Variants in ASB3 observed in about 807,000 individuals in gnomAD.
ASB3 encodes the protein ankyrin repeat and SOCS box containing 3, also known as ankyrin repeat and SOCS box protein 3.
In ASB3, 41 loss-of-function variants were observed where a neutral mutation model predicts 54.5. That is an observed-to-expected ratio of 0.75 (90% CI 0.59 to 0.98). ASB3 has a LOEUF of 0.98. Ranked by LOEUF, ASB3 falls within the 50% of genes least tolerant of loss-of-function variation. The pLI is 0.00. For synonymous variants in ASB3, 266 were observed against 221.2 expected (o/e 1.20, Z -1.80); for missense variants, 733 against 620.0 (o/e 1.18, Z -1.94).
Position 53,728,815 on chromosome 2 carries a change from T to A in ASB3, c.501A>T (p.Arg167Ser). 1 of 1,611,736 alleles carries A rather than the reference T, an allele frequency of 6.2e-7. No individual in the cohort carries two copies. The highest frequency in any genetic ancestry group is 2.2e-5 in the East Asian group (1 of 44,818). Residue 167 changes from arginine to serine, a missense_variant, in exon 5 of 10, where the codon AGA becomes AGT. By Grantham distance (110) the Arg-to-Ser change is moderately radical (BLOSUM62 -1). Transcript: ENST00000263634. Reference protein sequence around the residue: ...ENAEIIKLLLRKGANKECQDD... With the variant: ...ENAEIIKLLLSKGANKECQDD... ...CCTGGCATTCCTTGTTTGCTCCTTT[T>A]CTAAGAAGCAATTTTATGATCTCAG...
At position 53,692,745 on chromosome 2, in the gene ASB3, C is replaced by CCATT. The variant is rs528760605; in HGVS notation, c.1369+1135_1369+1138dup. Among the ~76,000 whole-genome samples the CCATT allele has an allele frequency of 1.5e-3, 230 of 152,258 alleles. 2 individuals carry two copies. The highest frequency in any genetic ancestry group is 3.7e-3 in the Admixed American group (56 of 15,280). On this transcript the variant is annotated intron_variant, in intron 9 of 9. Coordinates refer to ENST00000263634, the MANE Select transcript of ASB3 (RefSeq NM_016115.5). ...CTCTTTTGACTCTTAGTTCTCAAAT[C>CCATT]CATTGTTCCATAGTCTATCTGTTCT...
At chr2:53,755,980 C>T (rs376652391) in intron 2 of ASB3, among the ~76,000 whole-genome samples, 1 of 150,702 alleles carries the variant, frequency 6.6e-6, no homozygotes, top group Non-Finnish European at 1.5e-5. Context: ...TAGTAAGACC[C>T]CCCCCCCACC....
intron 3 of ASB3, among the ~76,000 whole-genome samples, chr2:53,730,586 T>A (rs575724108): frequency 6.6e-6 from 1 of 152,298 alleles, no homozygotes; most frequent in East Asian, 1.9e-4. Context: ...CTGGGTCAAA[T>A]GGCAGTTGTG....
intron 5 of ASB3, among the ~76,000 whole-genome samples, chr2:53,720,363 T>C (rs756108660): frequency 6.6e-6 from 1 of 152,226 alleles, no homozygotes; most frequent in African/African-American, 2.4e-5. Flanking sequence ...ATGCCCTTAA[T>C]GTTGGCAAAA....
chr2:53,701,100 A>G, intron 7 of ASB3, among the ~76,000 whole-genome samples: 1 of 152,166 alleles, frequency 6.6e-6, no homozygotes, highest in South Asian at 2.1e-4. Flanking sequence ...CAGCCTCCTG[A>G]GTAGGTGGGA....
intron 5 of ASB3, among the ~76,000 whole-genome samples, chr2:53,721,953 A>T (rs969301006): frequency 1.3e-5 from 2 of 151,968 alleles, no homozygotes; most frequent in Middle Eastern, 3.4e-3. Context: ...CTAGCTAGAT[A>T]AAAAAAAGAG....
intron 1 of ASB3, among the ~76,000 whole-genome samples, chr2:53,776,277 C>T (rs1464378266): frequency 6.6e-6 from 1 of 152,204 alleles, no homozygotes; most frequent in Non-Finnish European, 1.5e-5. Context: ...GACGGCATTT[C>T]ACTTGTCCTG....
At chr2:53,707,541 G>A (rs1261068817) in intron 7 of ASB3, among the ~76,000 whole-genome samples, 2 of 151,922 alleles carry the variant, frequency 1.3e-5, no homozygotes, top group East Asian at 1.9e-4. Flanking sequence ...CCAGCTACTC[G>A]GGAGGCTGAG....
chr2:53,766,918 T>G (rs1673500982), intron 1 of ASB3, among the ~76,000 whole-genome samples: 1 of 152,122 alleles, frequency 6.6e-6, no homozygotes, highest in Admixed American at 6.5e-5. Context: ...GAAAGAACAA[T>G]CACTTGGTAA....
At chr2:53,676,389 C>T (rs752486664) in intron 9 of ASB3, among the ~76,000 whole-genome samples, 2 of 152,218 alleles carry the variant, frequency 1.3e-5, no homozygotes, top group African/African-American at 4.8e-5. Context: ...CATTCTTACA[C>T]ACCTTTTCCA....
chr2:53,705,179 T>C (rs1042322253), intron 7 of ASB3, among the ~76,000 whole-genome samples: 3 of 152,204 alleles, frequency 2.0e-5, no homozygotes, highest in African/African-American at 7.2e-5. Flanking sequence ...ACAGATATTT[T>C]GAGGTTTTGA....
intron 2 of ASB3, among the ~76,000 whole-genome samples, chr2:53,754,912 C>T (rs533217228): frequency 6.6e-6 from 1 of 152,340 alleles, no homozygotes; most frequent in South Asian, 2.1e-4. Context: ...TAAACTGATA[C>T]ATGAGTTTTA....
Position 53,747,685 on chromosome 2 carries a change from A to T in ASB3, c.355+3098T>A, listed in dbSNP as rs199864657. ...AGGCACTAAACTGAGTTTGGGAGTT[A>T]CAACAGTGAACAAGATGAATAAAAT... On this transcript the variant is annotated intron_variant, in intron 3 of 9. Coordinates refer to ENST00000263634, the MANE Select transcript of ASB3 (RefSeq NM_016115.5). Among the ~76,000 whole-genome samples the T allele has an allele frequency of 5.9e-5, 9 of 152,336 alleles. No homozygotes were observed. In the East Asian group the frequency reaches 1.7e-3, roughly 29 times the overall value.
chr2:53,723,283 T>A (rs921604003), intron 5 of ASB3, among the ~76,000 whole-genome samples: 3 of 152,198 alleles, frequency 2.0e-5, no homozygotes, highest in Admixed American at 1.3e-4. Flanking sequence ...AATCTATAGA[T>A]TCAACACTAT....
chr2:53,726,192 G>T (rs893184539), intron 5 of ASB3, among the ~76,000 whole-genome samples: 13 of 151,346 alleles, frequency 8.6e-5, no homozygotes, highest in African/African-American at 3.2e-4. Context: ...AGAGCTCCAG[G>T]CGACAAGAAA....
intron 8 of ASB3, among the ~76,000 whole-genome samples, chr2:53,697,041 A>G (rs1669221050): frequency 6.6e-6 from 1 of 152,210 alleles, no homozygotes; most frequent in African/African-American, 2.4e-5. Flanking sequence ...TACAGGTCAC[A>G]AAGAACTTGC....
intron 2 of ASB3, among the ~76,000 whole-genome samples, chr2:53,751,842 C>G (rs1363804554): frequency 1.3e-5 from 2 of 152,122 alleles, no homozygotes; most frequent in African/African-American, 4.8e-5. Context: ...TCAAAGAAAA[C>G]AGTCTCAAAC....
intron 3 of ASB3, among the ~76,000 whole-genome samples, chr2:53,735,016 T>G: frequency 6.6e-6 from 1 of 150,966 alleles, no homozygotes; most frequent in Non-Finnish European, 1.5e-5. Context: ...ACCTCCCAGG[T>G]TGAAGCGAAT....
At chr2:53,781,282 C>A (rs1407271267) in intron 1 of ASB3, among the ~76,000 whole-genome samples, 1 of 151,878 alleles carries the variant, frequency 6.6e-6, no homozygotes, top group African/African-American at 2.4e-5. Context: ...CGTGGTGGTG[C>A]ACACCTGTAG....
Sources: allele counts gnomAD v4.1 joint callset (sites outside exome capture counted in the v4.1 genomes callset), GRCh38; gene constraint gnomAD v4.1.1; transcripts MANE v1.5; gene names NCBI Gene and HGNC (gene_info 2026-07-23, HGNC 2026-07-21).